The following PCSK2 variants were observed in gnomAD, a reference collection of about 807,000 sequenced individuals.
The protein encoded by PCSK2 is proprotein convertase subtilisin/kexin type 2.
In PCSK2, 14 loss-of-function variants were observed where a neutral mutation model predicts 69.7. That is an observed-to-expected ratio of 0.20 (90% CI 0.13 to 0.31). PCSK2 has a LOEUF of 0.31. Among genes scored for constraint, PCSK2 ranks in the 10% least tolerant of loss-of-function variants. The pLI, the probability that PCSK2 is intolerant of heterozygous loss-of-function variation, is 1.00. For missense variants in PCSK2, 544 were observed against 842.5 expected (o/e 0.65, Z 4.39); for synonymous variants, 307 against 320.7 (o/e 0.96, Z 0.46).
chr20:17,318,629 G>C (rs1237125000), intron 2 of PCSK2, among the ~76,000 whole-genome samples: 3 of 152,184 alleles, frequency 2.0e-5, no homozygotes, highest in African/African-American at 7.2e-5. Context: ...CAAACAATAT[G>C]GTCCAAAACC....
chr20:17,285,413 G>A (rs1229504776), intron 2 of PCSK2, among the ~76,000 whole-genome samples: 7 of 152,172 alleles, frequency 4.6e-5, no homozygotes, highest in Non-Finnish European at 1.0e-4. Context: ...TGTTATTTCT[G>A]TCTCCCGATT....
intron 2 of PCSK2, among the ~76,000 whole-genome samples, chr20:17,316,234 G>T (rs1196788322): frequency 6.6e-6 from 1 of 152,124 alleles, no homozygotes; most frequent in African/African-American, 2.4e-5. Flanking sequence ...TGCTACCCTC[G>T]CACGTTTCTT....
intron 6 of PCSK2, among the ~76,000 whole-genome samples, chr20:17,410,994 A>G (rs1050481359): frequency 6.6e-6 from 1 of 152,262 alleles, no homozygotes; most frequent in African/African-American, 2.4e-5. Context: ...GCACAAAAAT[A>G]TAACCAATGG....
In PCSK2 at chr20:17,348,029, AAGAAGAAAGAAAGAAAGAAAG is replaced by A. The variant is rs1990732130; in HGVS notation, c.283-10297_283-10277del. Reference sequence around the variant, plus strand: ...GAAAGAAAGAGAGAAAAGAGAAAGAAAGAAGAAAGAAAGAAAGAAAGGAAAGAAAGAAAGAAAGAAAGAAAG... The same window carrying A: ...GAAAGAAAGAGAGAAAAGAGAAAGAAGAAAGAAAGAAAGAAAGAAAGAAAG... On this transcript the variant is annotated intron_variant, in intron 2 of 11. Coordinates refer to ENST00000262545, the MANE Select transcript of PCSK2 (RefSeq NM_002594.5). Among the ~76,000 whole-genome samples the A allele has an allele frequency of 4.0e-5, 5 of 125,732 alleles. No individual in the cohort carries two copies. The South Asian group carries it at 1.6e-3, about 40-fold the overall frequency. The allele number at this position is 125,732 out of a possible 152,430, so 82.5% of individuals were successfully genotyped here. A position where few individuals can be genotyped will look rare whatever the true frequency, so the allele number is the denominator to read the frequency against.
chr20:17,226,737 G>T (rs971804786), upstream of PCSK2, among the ~76,000 whole-genome samples: 2 of 151,456 alleles, frequency 1.3e-5, no homozygotes, highest in African/African-American at 2.4e-5. Context: ...TCCTGGGCGC[G>T]CGGCGGGCCA....
At chr20:17,459,498 A>G (rs2032978116) in intron 10 of PCSK2, among the ~76,000 whole-genome samples, 1 of 152,172 alleles carries the variant, frequency 6.6e-6, no homozygotes. Context: ...ATCGTCAAAT[A>G]GTTTCCTGAA....
At chr20:17,348,973 C>A (rs183062105) in intron 2 of PCSK2, among the ~76,000 whole-genome samples, 2 of 152,138 alleles carry the variant, frequency 1.3e-5, no homozygotes, top group Non-Finnish European at 2.9e-5. Flanking sequence ...ACCATAGGAC[C>A]GTTAACCAGC....
In PCSK2 at chr20:17,362,439, G is replaced by T. The variant is rs538298332; in HGVS notation, c.505+1799G>T. ...TGCTGGAGTTCATCTGGGCAGTTCTGCAAGTTCCACTGGAGTCTATCATGC... is the reference window on the plus strand; with the variant it reads ...TGCTGGAGTTCATCTGGGCAGTTCTTCAAGTTCCACTGGAGTCTATCATGC... On this transcript the variant is annotated intron_variant, in intron 4 of 11. Coordinates refer to ENST00000262545, the MANE Select transcript of PCSK2 (RefSeq NM_002594.5). Among the ~76,000 whole-genome samples the T allele has an allele frequency of 2.0e-5, 3 of 152,304 alleles. No individual in the cohort carries two copies. In the South Asian group the frequency reaches 6.2e-4, roughly 32 times the overall value.
At chr20:17,479,313 A>T in intron 11 of PCSK2, 3 of 817,398 alleles carry the variant, frequency 3.7e-6, no homozygotes, top group Non-Finnish European at 6.5e-6. Flanking sequence ...CCACTGGTTG[A>T]TGTTGTTGTA....
At chr20:17,431,175 G>A (rs2032357774) in intron 7 of PCSK2, among the ~76,000 whole-genome samples, 1 of 152,198 alleles carries the variant, frequency 6.6e-6, no homozygotes, top group African/African-American at 2.4e-5. Context: ...GGCCAACGAA[G>A]TGAGTCTCAT....
chr20:17,437,697 C>T (rs1230629208), intron 8 of PCSK2, among the ~76,000 whole-genome samples: 3 of 152,208 alleles, frequency 2.0e-5, no homozygotes, highest in Non-Finnish European at 4.4e-5. Context: ...TCTCGACTGC[C>T]GCTTAAGCAA....
intron 2 of PCSK2, among the ~76,000 whole-genome samples, chr20:17,330,899 T>C (rs1299707737): frequency 6.6e-6 from 1 of 152,104 alleles, no homozygotes; most frequent in East Asian, 1.9e-4. Context: ...AGCAGAAGCA[T>C]AGCTGAGAAA....
At chr20:17,230,321 C>T (rs1299448723) in intron 1 of PCSK2, among the ~76,000 whole-genome samples, 4 of 152,152 alleles carry the variant, frequency 2.6e-5, no homozygotes, top group Non-Finnish European at 4.4e-5. Context: ...GAAGAACATG[C>T]TTTCTTATTA....
At chr20:17,290,289 T>C (rs1297241775) in intron 2 of PCSK2, among the ~76,000 whole-genome samples, 1 of 152,226 alleles carries the variant, frequency 6.6e-6, no homozygotes, top group Non-Finnish European at 1.5e-5. Flanking sequence ...TCTTGTCATC[T>C]TTTGGGAAGT....
At position 17,367,336 on chromosome 20, in the gene PCSK2, T is replaced by C. The variant is rs886107181; in HGVS notation, c.506-1904T>C. Among the ~76,000 whole-genome samples, 4 of 152,338 alleles carry C rather than the reference T, an allele frequency of 2.6e-5. No homozygotes were observed. The East Asian group carries it at 7.7e-4, about 29-fold the overall frequency. On this transcript the variant is annotated intron_variant, in intron 4 of 11. Coordinates refer to ENST00000262545, the MANE Select transcript of PCSK2 (RefSeq NM_002594.5). ...ATGATAAGAAATAGAATGTATTAAG[T>C]GTTTACTATAAGCTGAAGACTTTCA...
At position 17,234,839 on chromosome 20, in the gene PCSK2, A is replaced by G. The variant is rs1026018619; in HGVS notation, c.177+7357A>G. 5.9e-5 allele frequency among the ~76,000 whole-genome samples: 9 copies of G among 152,342 alleles called. No individual in the cohort carries two copies. The East Asian group carries it at 1.5e-3, about 26-fold the overall frequency. On this transcript the variant is annotated intron_variant, in intron 1 of 11. Coordinates refer to ENST00000262545, the MANE Select transcript of PCSK2 (RefSeq NM_002594.5). The stretch of plus-strand genomic sequence containing the variant: ...AGAGGTCTGGCTTTAAGAATAAAAC[A>G]TGAAATCTGAAGTTCAATTTTTCAT...
At chr20:17,433,785 TTCTCTC>T (rs369676259) in intron 7 of PCSK2, among the ~76,000 whole-genome samples, 6 of 40,808 alleles carry the variant, frequency 1.5e-4, no homozygotes, top group Admixed American at 6.0e-4. Context: ...CTCCTTTGAT[TTCTCTC>T]TCTCTCTCTC....
chr20:17,318,798 A>G (rs1989771573), intron 2 of PCSK2, among the ~76,000 whole-genome samples: 1 of 152,156 alleles, frequency 6.6e-6, no homozygotes, highest in African/African-American at 2.4e-5. Flanking sequence ...ATTTACTTCT[A>G]TTGTCATTTC....
chr20:17,376,535 G>A (rs1268564451), intron 5 of PCSK2, among the ~76,000 whole-genome samples: 1 of 152,064 alleles, frequency 6.6e-6, no homozygotes, highest in Non-Finnish European at 1.5e-5. Context: ...GCCTCATAGT[G>A]TGTATTTCTT....
Sources: allele counts gnomAD v4.1 joint callset (sites outside exome capture counted in the v4.1 genomes callset), GRCh38; gene constraint gnomAD v4.1.1; transcripts MANE v1.5; gene names NCBI Gene and HGNC (gene_info 2026-07-23, HGNC 2026-07-21).